Variants in GPC5 observed in about 807,000 individuals in gnomAD.
The protein encoded by GPC5 is glypican-5.
In GPC5, 47 loss-of-function variants were observed where a neutral mutation model predicts 53.9. The observed-to-expected ratio is 0.87, with a 90% confidence interval of 0.69 to 1.11. GPC5 has a LOEUF of 1.11. Ranked by LOEUF, GPC5 falls within the 50% of genes most tolerant of loss-of-function variation. GPC5 has a pLI of 0.00. For synonymous variants in GPC5, 286 were observed against 263.3 expected, an observed-to-expected ratio of 1.09 and a Z score of -0.84; for missense variants, 748 against 713.1, an observed-to-expected ratio of 1.05 and a Z score of -0.56.
intron 7 of GPC5, among the ~76,000 whole-genome samples, chr13:92,497,048 G>A (rs1397598133): frequency 1.3e-5 from 2 of 152,190 alleles, no homozygotes; most frequent in Non-Finnish European, 2.9e-5. Flanking sequence ...CTCCCATTCT[G>A]TAGGTTGCCT....
At chr13:91,838,233 G>T (rs1417559257) in intron 5 of GPC5, among the ~76,000 whole-genome samples, 1 of 152,032 alleles carries the variant, frequency 6.6e-6, no homozygotes, top group African/African-American at 2.4e-5. Context: ...TTTTCCCAGT[G>T]TCCCCTGCCA....
intron 6 of GPC5, among the ~76,000 whole-genome samples, chr13:92,039,618 G>A (rs2040926173): frequency 1.3e-5 from 2 of 152,166 alleles, no homozygotes; most frequent in Non-Finnish European, 2.9e-5. Flanking sequence ...AGGCAGGGTC[G>A]CTTAAATAAT....
At chr13:92,583,066 C>CTGAT (rs892870735) in intron 7 of GPC5, among the ~76,000 whole-genome samples, 1 of 145,120 alleles carries the variant, frequency 6.9e-6, no homozygotes, top group Non-Finnish European at 1.6e-5. Context: ...TGTCTTGTTC[C>CTGAT]TGATCACAGA....
chr13:91,904,763 T>C (rs528304170), intron 5 of GPC5, among the ~76,000 whole-genome samples: 32 of 152,168 alleles, frequency 2.1e-4, no homozygotes, highest in South Asian at 2.1e-4. Context: ...GGAAGAGCTC[T>C]CAGCTGTGAG....
intron 7 of GPC5, among the ~76,000 whole-genome samples, chr13:92,534,593 A>G (rs895430149): frequency 1.3e-5 from 2 of 152,194 alleles, no homozygotes; most frequent in African/African-American, 4.8e-5. Context: ...AGGTGGGAAA[A>G]TTCCCTGGAC....
At chr13:91,788,732 G>A (rs1341938415) in intron 5 of GPC5, among the ~76,000 whole-genome samples, 1 of 152,130 alleles carries the variant, frequency 6.6e-6, no homozygotes, top group Non-Finnish European at 1.5e-5. Flanking sequence ...TCAAGAAATT[G>A]TTAAGTGTAT....
chr13:92,838,479 C>T (rs1451771560), intron 7 of GPC5, among the ~76,000 whole-genome samples: 4 of 119,402 alleles, frequency 3.4e-5, no homozygotes, highest in Non-Finnish European at 6.7e-5. Context: ...TGAGACTCCG[C>T]GCCCCCCCCA....
At chr13:91,744,533 A>G (rs2037005807) in intron 4 of GPC5, among the ~76,000 whole-genome samples, 1 of 152,192 alleles carries the variant, frequency 6.6e-6, no homozygotes, top group Admixed American at 6.6e-5. Context: ...TGTACTAAGT[A>G]TATACCAGCC....
intron 5 of GPC5, among the ~76,000 whole-genome samples, chr13:91,788,393 A>C (rs2037911096): frequency 6.6e-6 from 1 of 152,216 alleles, no homozygotes. Context: ...GGGGATTAGG[A>C]CTTCAACATA....
intron 5 of GPC5, among the ~76,000 whole-genome samples, chr13:91,901,642 G>A (rs1367326141): frequency 6.6e-6 from 1 of 151,996 alleles, no homozygotes; most frequent in Non-Finnish European, 1.5e-5. Flanking sequence ...GTCAGAACCA[G>A]GAAGGGAGGC....
intron 5 of GPC5, among the ~76,000 whole-genome samples, chr13:91,763,820 A>G (rs1354638597): frequency 3.9e-5 from 6 of 152,132 alleles, no homozygotes; most frequent in African/African-American, 1.4e-4. Flanking sequence ...CTTGGTATCC[A>G]TGGGGAATTG....
intron 7 of GPC5, chr13:92,448,433 T>C (rs998793985): frequency 7.9e-5 from 12 of 152,104 alleles, no homozygotes; most frequent in East Asian, 3.9e-4. Flanking sequence ...ATTAGCCAAC[T>C]ATGTGTGATT....
chr13:91,882,618 T>G (rs190171794), intron 5 of GPC5, among the ~76,000 whole-genome samples: 36 of 150,866 alleles, frequency 2.4e-4, no homozygotes, highest in Non-Finnish European at 4.1e-4. Context: ...GGTAATAGAG[T>G]TTGATTTTTT....
intron 6 of GPC5, among the ~76,000 whole-genome samples, chr13:91,954,073 T>C (rs1322126130): frequency 1.3e-5 from 2 of 152,236 alleles, no homozygotes; most frequent in East Asian, 1.9e-4. Flanking sequence ...ATATTTGTTA[T>C]AGTAATTTAT....
chr13:91,700,831 A>G (rs2035976552), intron 3 of GPC5, among the ~76,000 whole-genome samples: 1 of 152,186 alleles, frequency 6.6e-6, no homozygotes, highest in African/African-American at 2.4e-5. Flanking sequence ...TGAGCAAACA[A>G]TCTCTTATCC....
At chr13:92,381,889 T>TG (rs753025655) in intron 7 of GPC5, among the ~76,000 whole-genome samples, 1 of 122,174 alleles carries the variant, frequency 8.2e-6, no homozygotes, top group East Asian at 2.4e-4. Flanking sequence ...ATTATATATA[T>TG]TATATATAAT....
rs1369915638 is a variant in GPC5 at position 92,051,215 on chromosome 13, T to A, written c.1402-93615T>A. 1.7e-4 allele frequency among the ~76,000 whole-genome samples: 25 copies of A among 147,400 alleles called. No individual in the cohort carries two copies. In the East Asian group the frequency reaches 5.0e-3, roughly 30 times the overall value. On this transcript the variant is annotated intron_variant, in intron 6 of 7. Coordinates refer to ENST00000377067, the MANE Select transcript of GPC5 (RefSeq NM_004466.6). ...CATTTTTTTCTTTTTTTTTTTTTTT[T>A]TTTTTGAGACGGAGTCTCGCTCTGT...
chr13:91,922,030 G>A (rs989816367), intron 6 of GPC5, among the ~76,000 whole-genome samples: 1 of 152,042 alleles, frequency 6.6e-6, no homozygotes. Context: ...GTGAGGAAAA[G>A]GAAAGTAGGG....
At chr13:91,727,455 A>G (rs1000490836) in intron 3 of GPC5, among the ~76,000 whole-genome samples, 4 of 152,196 alleles carry the variant, frequency 2.6e-5, no homozygotes, top group Non-Finnish European at 4.4e-5. Context: ...CTCTTAAATT[A>G]CAAGCTCTAT....
Sources: allele counts gnomAD v4.1 joint callset (sites outside exome capture counted in the v4.1 genomes callset), GRCh38; gene constraint gnomAD v4.1.1; transcripts MANE v1.5; gene names NCBI Gene and HGNC (gene_info 2026-07-23, HGNC 2026-07-21).